ARHGAP15: variants seen among roughly 807,000 people sequenced by gnomAD.
ARHGAP15 encodes rho GTPase-activating protein 15.
In ARHGAP15, 51 loss-of-function variants were observed where a neutral mutation model predicts 63.7. The observed-to-expected ratio is 0.80, with a 90% CI of 0.64 to 1.01. ARHGAP15 has a LOEUF of 1.01. Ranked by LOEUF, ARHGAP15 falls within the 50% of genes least tolerant of loss-of-function variation. The probability of loss-of-function intolerance (pLI) is 0.00; values close to 1 mark genes in which losing one functional copy is unlikely to be tolerated. For missense variants in ARHGAP15, 560 were observed against 564.6 expected (o/e 0.99, Z 0.08); for synonymous variants, 191 against 193.8 (o/e 0.99, Z 0.12).
chr2:143,428,337 G>C (rs566961232), intron 6 of ARHGAP15, among the ~76,000 whole-genome samples: 2 of 151,968 alleles, frequency 1.3e-5, no homozygotes, highest in South Asian at 4.2e-4. Context: ...TGCAGAGTGG[G>C]TCAGTGCCAG....
At chr2:143,378,538 A>G (rs1470197032) in intron 6 of ARHGAP15, among the ~76,000 whole-genome samples, 1 of 152,034 alleles carries the variant, frequency 6.6e-6, no homozygotes, top group East Asian at 1.9e-4. Context: ...AGTCACTCTT[A>G]ATGCCTTAGA....
chr2:143,346,174 T>A (rs184974032), intron 6 of ARHGAP15, among the ~76,000 whole-genome samples: 50 of 40,996 alleles, frequency 1.2e-3, no homozygotes, highest in African/African-American at 1.7e-3. Flanking sequence ...ACACACACAC[T>A]CTCTCTCTCA....
intron 9 of ARHGAP15, among the ~76,000 whole-genome samples, chr2:143,506,731 T>C (rs539585581): frequency 6.6e-6 from 1 of 152,220 alleles, no homozygotes; most frequent in South Asian, 2.1e-4. Context: ...AAGCAAACAA[T>C]GAAAATATGT....
intron 12 of ARHGAP15, among the ~76,000 whole-genome samples, chr2:143,645,570 T>C (rs977362080): frequency 3.9e-5 from 6 of 152,076 alleles, no homozygotes; most frequent in Non-Finnish European, 7.4e-5. Context: ...GTCAGAATTA[T>C]AAGGAAACTG....
chr2:143,216,269 A>C (rs1692752683), intron 3 of ARHGAP15, 115 bp from the exon 4 acceptor site: 2 of 725,644 alleles, frequency 2.8e-6, no homozygotes, highest in Non-Finnish European at 4.6e-6. Flanking sequence ...TTATTAATAA[A>C]GTTCTATGAC....
chr2:143,646,640 G>A (rs1055257865), intron 12 of ARHGAP15, among the ~76,000 whole-genome samples: 1 of 151,952 alleles, frequency 6.6e-6, no homozygotes, highest in Admixed American at 6.6e-5. Context: ...TGCCTTGACT[G>A]GGATTTATAT....
intron 10 of ARHGAP15, among the ~76,000 whole-genome samples, chr2:143,532,556 T>C (rs897972422): frequency 2.6e-5 from 4 of 152,110 alleles, no homozygotes; most frequent in African/African-American, 9.7e-5. Context: ...AAGGGGAAAG[T>C]TATTAGGATA....
At chr2:143,539,461 A>G (rs1694941600) in intron 10 of ARHGAP15, among the ~76,000 whole-genome samples, 1 of 151,724 alleles carries the variant, frequency 6.6e-6, no homozygotes, top group Non-Finnish European at 1.5e-5. Flanking sequence ...AGTTCTTTTA[A>G]TTGTGATGTT....
At chr2:143,422,025 G>A (rs1397442412) in intron 6 of ARHGAP15, among the ~76,000 whole-genome samples, 2 of 151,974 alleles carry the variant, frequency 1.3e-5, no homozygotes, top group Admixed American at 6.6e-5. Flanking sequence ...CTTTAAATTT[G>A]GAATACGTTC....
intron 4 of ARHGAP15, among the ~76,000 whole-genome samples, chr2:143,222,769 C>T (rs956796847): frequency 2.6e-5 from 4 of 151,660 alleles, no homozygotes; most frequent in Non-Finnish European, 5.9e-5. Flanking sequence ...TGCATTTTTC[C>T]AACTTCACAA....
rs552588191 is a variant in ARHGAP15, at chr2:143,624,781, C to T, written c.1138+514C>T. On this transcript the variant is annotated intron_variant, in intron 12 of 13. Transcript: ENST00000295095. Reference sequence around the variant, plus strand: ...TCAGCCATAATTTGCTTATGAGCAGCGTGATTATCAAATGAAGTAATGGCA... The same window carrying T: ...TCAGCCATAATTTGCTTATGAGCAGTGTGATTATCAAATGAAGTAATGGCA... Among the ~76,000 whole-genome samples the T allele has an allele frequency of 7.2e-5, 11 of 152,244 alleles. No homozygotes were observed. The East Asian group carries it at 1.9e-3, about 27-fold the overall frequency.
chr2:143,625,362 T>A (rs1240477284), intron 12 of ARHGAP15, among the ~76,000 whole-genome samples: 1 of 152,154 alleles, frequency 6.6e-6, no homozygotes, highest in Non-Finnish European at 1.5e-5. Flanking sequence ...GCCTTCACCC[T>A]TGTTTAAAGC....
intron 11 of ARHGAP15, among the ~76,000 whole-genome samples, chr2:143,604,612 C>A (rs1697910913): frequency 6.6e-6 from 1 of 152,182 alleles, no homozygotes; most frequent in South Asian, 2.1e-4. Flanking sequence ...ATCAATTCTT[C>A]AAGATGCAGC....
At chr2:143,446,643 T>A (rs1047491806) in intron 8 of ARHGAP15, among the ~76,000 whole-genome samples, 1 of 152,052 alleles carries the variant, frequency 6.6e-6, no homozygotes, top group African/African-American at 2.4e-5. Flanking sequence ...TCTTTTTTTT[T>A]TTTATTTAAG....
At chr2:143,415,029 C>T (rs1230661397) in intron 6 of ARHGAP15, among the ~76,000 whole-genome samples, 1 of 152,146 alleles carries the variant, frequency 6.6e-6, no homozygotes, top group African/African-American at 2.4e-5. Flanking sequence ...AAACTAACTG[C>T]AGGCTGATCA....
intron 6 of ARHGAP15, among the ~76,000 whole-genome samples, chr2:143,348,826 T>C (rs977746672): frequency 6.6e-6 from 1 of 152,146 alleles, no homozygotes; most frequent in Admixed American, 6.6e-5. Flanking sequence ...TTCTAGAAAA[T>C]GCTGAAAATG....
At chr2:143,195,231 G>C (rs967286937) in intron 2 of ARHGAP15, among the ~76,000 whole-genome samples, 2 of 152,004 alleles carry the variant, frequency 1.3e-5, no homozygotes, top group African/African-American at 4.8e-5. Context: ...AAAAAAAAGA[G>C]AGAATATTTG....
At chr2:143,213,145 G>C (rs1250349105) in intron 3 of ARHGAP15, among the ~76,000 whole-genome samples, 1 of 152,140 alleles carries the variant, frequency 6.6e-6, no homozygotes, top group African/African-American at 2.4e-5. Context: ...AGAGAAGCTG[G>C]CATTTAGAGG....
chr2:143,390,413 G>T (rs568834134), intron 6 of ARHGAP15, among the ~76,000 whole-genome samples: 43 of 152,146 alleles, frequency 2.8e-4, no homozygotes, highest in Non-Finnish European at 5.1e-4. Flanking sequence ...ATTACCACCT[G>T]ATCTGTGCTA....
Sources: gnomAD v4.1 joint callset for allele counts (sites outside exome capture counted in the v4.1 genomes callset) on GRCh38, gnomAD v4.1.1 for gene constraint, MANE v1.5 for transcripts, NCBI Gene and HGNC (gene_info 2026-07-23, HGNC 2026-07-21) for gene names.